The following ANO1 variants were observed in gnomAD, a reference collection of about 807,000 sequenced individuals.
The protein encoded by ANO1 is anoctamin 1.
ANO1 carries 59 observed loss-of-function variants against 124.0 expected under a neutral mutation model. That is an observed-to-expected ratio of 0.48 (90% CI 0.39 to 0.59). The LOEUF is 0.59. Ranked by LOEUF, ANO1 falls within the 20% of genes least tolerant of loss-of-function variation. The pLI, the probability that ANO1 is intolerant of heterozygous loss-of-function variation, is 0.00. For missense variants in ANO1, 1,059 were observed against 1,328.0 expected, an observed-to-expected ratio of 0.80 and a Z score of 3.15; for synonymous variants, 529 against 532.0, an observed-to-expected ratio of 0.99 and a Z score of 0.08.
intron 1 of ANO1, among the ~76,000 whole-genome samples, chr11:70,027,896 A>C (rs1856937090): frequency 6.6e-6 from 1 of 152,134 alleles, no homozygotes; most frequent in South Asian, 2.1e-4. Flanking sequence ...CACATCATAA[A>C]GATCTTCGTC....
At chr11:70,018,334 G>A (rs1856737954) in intron 1 of ANO1, 1 of 152,168 alleles carries the variant, frequency 6.6e-6, no homozygotes, top group African/African-American at 2.4e-5. Context: ...TCCAGCTTGG[G>A]CAACAGAATG....
chr11:70,154,571 A>G (rs2047733401), intron 14 of ANO1, among the ~76,000 whole-genome samples: 1 of 140,260 alleles, frequency 7.1e-6, no homozygotes, highest in South Asian at 2.3e-4. Flanking sequence ...GGTTCACGCC[A>G]TTCTCCTGCC....
At chr11:69,970,268 G>A in the ANO1 span, among the ~76,000 whole-genome samples, 1 of 152,190 alleles carries the variant, frequency 6.6e-6, no homozygotes, top group Non-Finnish European at 1.5e-5. Flanking sequence ...CAGTGCGCAC[G>A]GCTGCAGAGA....
chr11:70,168,809 A>G (rs1161373916), intron 21 of ANO1, among the ~76,000 whole-genome samples: 1 of 152,056 alleles, frequency 6.6e-6, no homozygotes, highest in Non-Finnish European at 1.5e-5. Context: ...ATTTCACCAC[A>G]AGTGCTGCCG....
chr11:70,078,859 A>C (rs1224711458), intron 1 of ANO1, 145 bp downstream of exon 1: 4 of 298,838 alleles, frequency 1.3e-5, no homozygotes, highest in Non-Finnish European at 2.1e-5. Flanking sequence ...CCACCCGCGC[A>C]CGTGCGTGCC....
In ANO1 at chr11:70,127,112, G is replaced by GGC. The variant is rs2046551530; in HGVS notation, c.1097+917_1097+918insGC. On this transcript the variant is annotated intron_variant, in intron 10 of 25. Coordinates refer to ENST00000355303, the MANE Select transcript of ANO1 (RefSeq NM_018043.7). ...CATGAACGCTAGAGGCCTCGGTGCA[G>GGC]TCTGGTGCTCCCAGGAGGTGAGACG... Among the ~76,000 whole-genome samples the GGC allele has an allele frequency of 2.8e-5, 4 of 145,238 alleles. 1 individual carries two copies. Among genetic ancestry groups the GGC allele is most frequent in the Admixed American group, 1.4e-4 (2 of 14,640 alleles).
intron 2 of ANO1, among the ~76,000 whole-genome samples, chr11:70,091,515 C>T (rs138671710): frequency 3.9e-5 from 6 of 152,142 alleles, no homozygotes; most frequent in Non-Finnish European, 8.8e-5. Context: ...TGCCAGTGTA[C>T]GTGGGGGGCA....
At chr11:70,073,618 T>C (rs1345207120), upstream of ANO1, among the ~76,000 whole-genome samples, 2 of 151,848 alleles carry the variant, frequency 1.3e-5, no homozygotes, top group African/African-American at 4.8e-5. Flanking sequence ...GAGTCGAGGA[T>C]GGAAGGAGCA....
upstream of ANO1, among the ~76,000 whole-genome samples, chr11:69,983,185 A>G (rs1202951892): frequency 6.6e-6 from 1 of 151,966 alleles, no homozygotes; most frequent in Non-Finnish European, 1.5e-5. Flanking sequence ...AGTCCCCAGC[A>G]TCTGATCATG....
intron 2 of ANO1, among the ~76,000 whole-genome samples, chr11:70,088,834 G>A (rs780053232): frequency 2.6e-5 from 4 of 152,336 alleles, no homozygotes; most frequent in Non-Finnish European, 4.4e-5. Context: ...GGGTCCAGCT[G>A]AGCCCTGGGA....
At chr11:69,969,570 G>C in the ANO1 span, among the ~76,000 whole-genome samples, 1 of 152,182 alleles carries the variant, frequency 6.6e-6, no homozygotes, top group Non-Finnish European at 1.5e-5. Context: ...TCCTGGGAAA[G>C]TGCATCTCTC....
chr11:70,072,683 G>A (rs1472882061), intron 1 of ANO1: 1 of 152,270 alleles, frequency 6.6e-6, no homozygotes, highest in East Asian at 1.9e-4. Flanking sequence ...GGAAATCAGG[G>A]GCTTGGGCCG....
chr11:69,975,138 C>T, the ANO1 span, among the ~76,000 whole-genome samples: 9 of 152,310 alleles, frequency 5.9e-5, no homozygotes, highest in South Asian at 2.1e-4. Flanking sequence ...CTGCTCTCTC[C>T]GGGTCAGAGG....
chr11:70,038,668 G>A (rs1349094883), intron 1 of ANO1, among the ~76,000 whole-genome samples: 1 of 152,184 alleles, frequency 6.6e-6, no homozygotes, highest in Admixed American at 6.5e-5. Context: ...GGCCCCCAGG[G>A]AGAGAGCCAG....
rs145687614 is a variant in ANO1 at position 70,060,718 on chromosome 11, C to T, written c.59-17824C>T. Among the ~76,000 whole-genome samples the T allele has an allele frequency of 4.1e-3, 625 of 152,300 alleles. 3 individuals carry two copies. Among genetic ancestry groups the T allele is most frequent in the Non-Finnish European group, 7.2e-3 (487 of 68,036 alleles). On this transcript the variant is annotated intron_variant, in intron 1 of 27. Transcript: ENST00000531349. ...TATTAAAGCGGCAGCTGCCACCACA[C>T]GCAGACATAAGAGCCAGCCTAGAAC...
chr11:70,157,822 A>G (rs1436015157), intron 16 of ANO1, among the ~76,000 whole-genome samples: 2 of 152,002 alleles, frequency 1.3e-5, no homozygotes, highest in Admixed American at 6.6e-5. Context: ...CAAAACCAAA[A>G]ATACAAAAAT....
intron 10 of ANO1, among the ~76,000 whole-genome samples, chr11:70,130,992 C>T (rs975332077): frequency 6.6e-6 from 1 of 152,216 alleles, no homozygotes; most frequent in Non-Finnish European, 1.5e-5. Context: ...GCGCCTGGCA[C>T]AGAGCAAGGG....
chr11:70,151,532 G>A (rs1032559323), intron 12 of ANO1, among the ~76,000 whole-genome samples: 10 of 152,172 alleles, frequency 6.6e-5, no homozygotes, highest in South Asian at 2.1e-4. Flanking sequence ...CCCTGTGGCT[G>A]GGGAAAGTTG....
intron 12 of ANO1, 119 bp downstream of exon 12, chr11:70,149,911 G>A: frequency 8.8e-7 from 1 of 1,135,326 alleles, no homozygotes; most frequent in Non-Finnish European, 1.3e-6. Context: ...CCAAGCTGAG[G>A]CAAGGCCGCC....
Sources: allele counts gnomAD v4.1 joint callset (sites outside exome capture counted in the v4.1 genomes callset), GRCh38; gene constraint gnomAD v4.1.1; transcripts MANE v1.5; gene names NCBI Gene and HGNC (gene_info 2026-07-23, HGNC 2026-07-21).